RTN1: variants seen among roughly 807,000 people sequenced by gnomAD.
RTN1 encodes reticulon-1.
A neutral mutation model predicts 65.5 loss-of-function variants in RTN1; 25 were observed. The ratio of observed to expected loss-of-function variants is 0.38; its 90% CI spans 0.28 to 0.53. The LOEUF is 0.53. Among genes scored for constraint, RTN1 ranks in the 20% least tolerant of loss-of-function variants. The pLI, the probability that RTN1 is intolerant of heterozygous loss-of-function variation, is 0.79. For missense variants in RTN1, 983 were observed against 1,025.4 expected (o/e 0.96, Z 0.57); for synonymous variants, 471 against 447.6 (o/e 1.05, Z -0.66).
intron 1 of RTN1, 125 bp from the exon 2 acceptor site, chr14:59,746,606 T>C (rs755870964): frequency 4.0e-5 from 30 of 742,564 alleles, no homozygotes; most frequent in Non-Finnish European, 6.0e-5. Context: ...CCCTCGGAGT[T>C]CCCTCGGAGC....
chr14:59,644,303 C>T (rs577738015), intron 3 of RTN1, among the ~76,000 whole-genome samples: 3 of 152,284 alleles, frequency 2.0e-5, no homozygotes, highest in African/African-American at 7.2e-5. Flanking sequence ...ATCACTTACC[C>T]AGGAGCAACA....
intron 4 of RTN1, among the ~76,000 whole-genome samples, chr14:59,607,014 A>C (rs896552615): frequency 3.3e-5 from 5 of 152,242 alleles, no homozygotes; most frequent in Non-Finnish European, 5.9e-5. Context: ...TATTGCTGAG[A>C]GGATTAAGTA....
intron 1 of RTN1, among the ~76,000 whole-genome samples, chr14:59,834,213 C>T (rs1317293432): frequency 6.6e-6 from 1 of 152,020 alleles, no homozygotes; most frequent in Non-Finnish European, 1.5e-5. Context: ...CAAAAATTAA[C>T]TTAAAATATG....
chr14:59,619,771 A>C (rs556163216), intron 3 of RTN1, among the ~76,000 whole-genome samples: 33 of 152,250 alleles, frequency 2.2e-4, no homozygotes, highest in Non-Finnish European at 4.4e-5. Context: ...AGCCAAGGAG[A>C]AGGACATTTC....
chr14:59,609,328 CTTT>C (rs747783278), intron 3 of RTN1, among the ~76,000 whole-genome samples: 2 of 141,690 alleles, frequency 1.4e-5, no homozygotes, highest in Non-Finnish European at 3.1e-5. Context: ...TAATCCTTTT[CTTT>C]TTTTTTTTTT....
chr14:59,691,752 T>G (rs905686576), intron 3 of RTN1, among the ~76,000 whole-genome samples: 4 of 152,172 alleles, frequency 2.6e-5, no homozygotes, highest in African/African-American at 9.6e-5. Context: ...AAGTGGGCTT[T>G]ATTCCTGGGA....
chr14:59,661,444 AC>A (rs1883245685), intron 3 of RTN1, among the ~76,000 whole-genome samples: 1 of 152,130 alleles, frequency 6.6e-6, no homozygotes, highest in South Asian at 2.1e-4. Context: ...CAGAGACACA[AC>A]AAAAAAGGAA....
At chr14:59,839,958 C>T (rs1185935294) in intron 1 of RTN1, among the ~76,000 whole-genome samples, 1 of 151,472 alleles carries the variant, frequency 6.6e-6, no homozygotes, top group African/African-American at 2.4e-5. Context: ...TCTTGGTGTT[C>T]CATAATTAAC....
At chr14:59,654,398 C>T (rs1883079579) in intron 3 of RTN1, among the ~76,000 whole-genome samples, 1 of 145,716 alleles carries the variant, frequency 6.9e-6, no homozygotes, top group Admixed American at 7.0e-5. Flanking sequence ...CACGGCACTC[C>T]AGCCTGGGTG....
chr14:59,818,268 C>A (rs1477895653), intron 1 of RTN1, among the ~76,000 whole-genome samples: 1 of 152,194 alleles, frequency 6.6e-6, no homozygotes, highest in African/African-American at 2.4e-5. Context: ...CCCAGTCCAT[C>A]ATTGGTGGGC....
At position 59,617,424 on chromosome 14, in the gene RTN1, C is replaced by T. The variant is rs567966320; in HGVS notation, c.1766-9932G>A. ...TAACAGAACAGAGTTCTATCAAAGC[C>T]AATTGAAAAAGCTTACATGAAAAAT... On this transcript the variant is annotated intron_variant, in intron 3 of 8. Transcript: ENST00000267484. Among the ~76,000 whole-genome samples, 5 of 152,256 alleles carry T rather than the reference C, an allele frequency of 3.3e-5. No individual in the cohort carries two copies. In the South Asian group the frequency reaches 1.0e-3, roughly 32 times the overall value.
In RTN1 at chr14:59,727,909, C is replaced by G. The variant is rs760625493; in HGVS notation, c.1016-241G>C. 1.3e-5 allele frequency among the ~76,000 whole-genome samples: 2 copies of G among 152,192 alleles called. No homozygotes were observed. Among genetic ancestry groups the G allele is most frequent in the Non-Finnish European group, 2.9e-5 (2 of 68,034 alleles). On this transcript the variant is annotated intron_variant, in intron 2 of 8. Transcript: ENST00000267484. The surrounding 1 kb of genome is among the most constrained non-coding windows in gnomAD (Gnocchi z 4.2). ...ATTAATTAGTGTTTTACAGACCTCT[C>G]TATCTTCAGCTAGCTATTTTAAAAA...
chr14:59,813,054 A>G (rs969921585), intron 1 of RTN1, among the ~76,000 whole-genome samples: 2 of 152,224 alleles, frequency 1.3e-5, no homozygotes, highest in African/African-American at 4.8e-5. Context: ...GCTACTGAGT[A>G]GATATTTAAA....
intron 1 of RTN1, among the ~76,000 whole-genome samples, chr14:59,767,495 T>G (rs916326425): frequency 2.6e-5 from 4 of 152,356 alleles, no homozygotes; most frequent in Admixed American, 1.3e-4. Context: ...TTTACTTGCT[T>G]GAGCCATTCT....
chr14:59,604,458 G>A (rs1388189157), intron 5 of RTN1: 1 of 152,812 alleles, frequency 6.5e-6, no homozygotes, highest in Non-Finnish European at 1.5e-5. Context: ...AAGGTTTGCT[G>A]ACCCCTGTTC....
chr14:59,823,181 G>T (rs1034114996), intron 1 of RTN1, among the ~76,000 whole-genome samples: 1 of 152,094 alleles, frequency 6.6e-6, no homozygotes, highest in Admixed American at 6.5e-5. Context: ...TATGAATCTA[G>T]ATGCTCCAAT....
rs199575477 is a variant in RTN1 at position 59,814,394 on chromosome 14, G to A, written c.241+55996C>T. On this transcript the variant is annotated intron_variant, in intron 1 of 8. Coordinates refer to ENST00000267484, the MANE Select transcript of RTN1 (RefSeq NM_021136.3). ...ATAGCTGATTGCATATTGGCAGTGAGGGCTGATGTCAACCATTTCCTAGAC... is the reference window on the plus strand; with the variant it reads ...ATAGCTGATTGCATATTGGCAGTGAAGGCTGATGTCAACCATTTCCTAGAC... Among the ~76,000 whole-genome samples, 3 of 152,172 alleles carry A rather than the reference G, an allele frequency of 2.0e-5. No individual in the cohort carries two copies. The East Asian group carries it at 5.8e-4, about 29-fold the overall frequency.
chr14:59,655,162 A>C (rs913646788), intron 3 of RTN1, among the ~76,000 whole-genome samples: 2 of 152,216 alleles, frequency 1.3e-5, no homozygotes, highest in Admixed American at 1.3e-4. Flanking sequence ...ATACACTAGC[A>C]GTGAACAATA....
At chr14:59,856,627 T>A (rs1010143448) in intron 1 of RTN1, among the ~76,000 whole-genome samples, 4 of 152,134 alleles carry the variant, frequency 2.6e-5, no homozygotes, top group Non-Finnish European at 5.9e-5. Flanking sequence ...CTCCAAAATG[T>A]CTTCCCATGT....
Sources: allele counts gnomAD v4.1 joint callset (sites outside exome capture counted in the v4.1 genomes callset), GRCh38; gene constraint gnomAD v4.1.1; non-coding constraint Gnocchi (gnomAD v3.1); transcripts MANE v1.5; gene names NCBI Gene and HGNC (gene_info 2026-07-23, HGNC 2026-07-21).